Variants in C16orf74 observed in about 807,000 individuals in gnomAD.
C16orf74 encodes uncharacterized protein C16orf74.
Under a neutral mutation model 6.5 loss-of-function variants are expected in C16orf74, and 10 were observed. The ratio of observed to expected loss-of-function variants is 1.54; its 90% confidence interval spans 0.95 to 2.61. The LOEUF (loss-of-function observed/expected upper bound fraction) is 2.61, where lower values mean the gene tolerates loss of function less well. C16orf74 is among the 30% of genes most tolerant of loss of function. C16orf74 has a pLI of 0.00. For missense variants in C16orf74, 141 were observed against 105.9 expected, an observed-to-expected ratio of 1.33 and a Z score of -1.45; for synonymous variants, 60 against 42.5, an observed-to-expected ratio of 1.41 and a Z score of -1.60.
chr16:85,748,944 T>A lies in C16orf74; in HGVS notation c.-19+1982A>T, dbSNP rs201837044. Among the ~76,000 whole-genome samples the A allele has an allele frequency of 8.7e-3, 727 of 83,934 alleles. 7 individuals are homozygous for A. Among genetic ancestry groups the A allele is most frequent in the African/African-American group, 0.024 (681 of 28,168 alleles). The allele number at this position is 83,934 out of a possible 152,430, so 55.1% of individuals were successfully genotyped here. ...GCTTTGATTTTTTTTTTTTTTTTTT[T>A]TTTATTTTATTTTTTTTTAGAGAAA... is the stretch of plus-strand genomic sequence containing the variant. On this transcript the variant is annotated intron_variant, in intron 1 of 3. Coordinates refer to ENST00000284245, the MANE Select transcript of C16orf74 (RefSeq NM_206967.3).
At chr16:85,727,091 G>C (rs1166337001) in intron 2 of C16orf74, among the ~76,000 whole-genome samples, 1 of 152,196 alleles carries the variant, frequency 6.6e-6, no homozygotes, top group Non-Finnish European at 1.5e-5. Flanking sequence ...CATCCCTGTA[G>C]CCCCGGCACC....
chr16:85,713,767 T>C (rs2053992365), intron 2 of C16orf74, among the ~76,000 whole-genome samples: 2 of 1,006 alleles, frequency 2.0e-3, no homozygotes, highest in Admixed American at 0.014. Context: ...CCCTGGACAC[T>C]GAAGCCAAGG....
At position 85,707,892 on chromosome 16, in the gene C16orf74, T is replaced by C. The variant is rs1185358947; in HGVS notation, c.*116A>G. ...ACGTCTCTCTGAGCGGAGGCCCGGG[T>C]TCGCTCAGTTCCCATCCAGGGTATT... On this transcript the variant is annotated 3_prime_UTR_variant, in exon 4 of 4. Transcript: ENST00000284245. 7.4e-6 allele frequency: 6 copies of C among 813,542 alleles called. No homozygotes were observed. Among genetic ancestry groups the C allele is most frequent in the Non-Finnish European group, 1.2e-5 (6 of 507,216 alleles). 50.4% of individuals were successfully genotyped at this position (813,542 alleles called of 1,614,324 possible).
intron 2 of C16orf74, among the ~76,000 whole-genome samples, chr16:85,732,505 A>C (rs1170963702): frequency 2.6e-5 from 4 of 151,860 alleles, no homozygotes; most frequent in Non-Finnish European, 5.9e-5. Flanking sequence ...GTCTCTACTA[A>C]AAATACAAAA....
intron 1 of C16orf74, among the ~76,000 whole-genome samples, chr16:85,740,810 C>T (rs1457948117): frequency 9.5e-6 from 1 of 104,844 alleles, no homozygotes; most frequent in African/African-American, 3.8e-5. Context: ...CCAGCCTGGG[C>T]AAGAGAGTGA....
At chr16:85,750,201 C>T (rs776360410) in intron 1 of C16orf74, among the ~76,000 whole-genome samples, 61 of 152,330 alleles carry the variant, frequency 4.0e-4, no homozygotes, top group Non-Finnish European at 7.3e-4. Flanking sequence ...CCTCTTCCTC[C>T]GGGCTCCAAA....
intron 2 of C16orf74, among the ~76,000 whole-genome samples, chr16:85,716,550 G>A (rs1331449631): frequency 7.1e-6 from 1 of 140,592 alleles, no homozygotes; most frequent in Non-Finnish European, 1.6e-5. Context: ...AGGGAAGGAG[G>A]ACAGAGGGAG....
chr16:85,735,534 T>C (rs1263492143), intron 1 of C16orf74, among the ~76,000 whole-genome samples: 6 of 152,156 alleles, frequency 3.9e-5, no homozygotes, highest in Non-Finnish European at 8.8e-5. Context: ...AGGCGGAGGC[T>C]GCAGTGAACT....
intron 1 of C16orf74, among the ~76,000 whole-genome samples, chr16:85,739,969 G>A (rs931013658): frequency 9.9e-5 from 15 of 151,846 alleles, no homozygotes; most frequent in Admixed American, 7.2e-4. Context: ...CAGCACTTAG[G>A]GAGGCCGAGG....
At position 85,747,465 on chromosome 16, in the gene C16orf74, G is replaced by A. The variant is rs181925878; in HGVS notation, c.-19+3461C>T. Among the ~76,000 whole-genome samples the A allele has an allele frequency of 3.7e-3, 568 of 151,812 alleles. 6 individuals are homozygous for A. The highest frequency in any genetic ancestry group is 6.8e-3 in the Middle Eastern group (2 of 292). On this transcript the variant is annotated intron_variant, in intron 1 of 3. Coordinates refer to ENST00000284245, the MANE Select transcript of C16orf74 (RefSeq NM_206967.3). ...ACCCCATCTCAAAATAAATAAAAGGGGTCTGCTATTTGAAGTCAGGTTAAC... is the reference window on the plus strand; with the variant it reads ...ACCCCATCTCAAAATAAATAAAAGGAGTCTGCTATTTGAAGTCAGGTTAAC...
intron 2 of C16orf74, among the ~76,000 whole-genome samples, chr16:85,711,684 T>C (rs2053972060): frequency 6.6e-6 from 1 of 151,108 alleles, no homozygotes; most frequent in Admixed American, 6.6e-5. Flanking sequence ...AGCATTAAGC[T>C]AGGTGTTACA....
At chr16:85,711,243 G>A (rs1447384544) in intron 2 of C16orf74, among the ~76,000 whole-genome samples, 10 of 150,472 alleles carry the variant, frequency 6.6e-5, no homozygotes, top group Admixed American at 4.0e-4. Flanking sequence ...TTAAACCCGG[G>A]AGGCAGAGGT....
chr16:85,732,198 C>T (rs942327485), intron 2 of C16orf74, among the ~76,000 whole-genome samples: 2 of 152,210 alleles, frequency 1.3e-5, no homozygotes, highest in African/African-American at 4.8e-5. Flanking sequence ...TTAGAGCTTC[C>T]AGAAGAAACG....
At chr16:85,708,212 T>G in intron 3 of C16orf74, 146 bp from the exon 4 acceptor site, 1 of 688,700 alleles carries the variant, frequency 1.5e-6, no homozygotes, top group East Asian at 2.7e-5. Context: ...AGCCCAGTGA[T>G]GCTGGATCCT....
chr16:85,717,575 G>C (rs879870749), intron 2 of C16orf74, among the ~76,000 whole-genome samples: 1 of 152,184 alleles, frequency 6.6e-6, no homozygotes, highest in African/African-American at 2.4e-5. Flanking sequence ...CAGCTGGCCG[G>C]GGCCTAGGGG....
intron 2 of C16orf74, among the ~76,000 whole-genome samples, chr16:85,721,757 T>C (rs1354953982): frequency 1.3e-5 from 2 of 152,190 alleles, no homozygotes; most frequent in Admixed American, 6.5e-5. Context: ...GGCATGGAGC[T>C]GCTGGCTTCC....
At chr16:85,744,103 T>A (rs2054341958) in intron 1 of C16orf74, 1 of 149,624 alleles carries the variant, frequency 6.7e-6, no homozygotes, top group South Asian at 2.1e-4. Context: ...TGCATGCCTA[T>A]AATCCCAGCT....
Position 85,707,948 on chromosome 16 carries a change from C to T in C16orf74, c.*60G>A, listed in dbSNP as rs1399607098. ...CACCTGCTCCAGGCAGCCACGCCCC[C>T]GGACACCTGAAGCCGGGCCGCTGGA... On this transcript the variant is annotated 3_prime_UTR_variant, in exon 4 of 4. Coordinates refer to ENST00000284245, the MANE Select transcript of C16orf74 (RefSeq NM_206967.3). The T allele has an allele frequency of 2.0e-5, 29 of 1,458,828 alleles. No homozygotes were observed. The highest frequency in any genetic ancestry group is 1.6e-4 in the Admixed American group (8 of 50,808). 90.4% of individuals were successfully genotyped at this position (1,458,828 alleles called of 1,614,324 possible).
intron 1 of C16orf74, among the ~76,000 whole-genome samples, chr16:85,740,679 G>A (rs1387237453): frequency 6.5e-5 from 8 of 123,016 alleles, no homozygotes; most frequent in Admixed American, 5.5e-4. Context: ...GGCACAGAGC[G>A]AGACTCTGTT....
Sources: gnomAD v4.1 joint callset for allele counts (sites outside exome capture counted in the v4.1 genomes callset) on GRCh38, gnomAD v4.1.1 for gene constraint, MANE v1.5 for transcripts, NCBI Gene and HGNC (gene_info 2026-07-23, HGNC 2026-07-21) for gene names.